B3GALT1: variants seen among roughly 807,000 people sequenced by gnomAD.
B3GALT1 encodes the protein beta-1,3-galactosyltransferase 1.
A neutral mutation model predicts 23.2 loss-of-function variants in B3GALT1; 10 were observed. The observed-to-expected ratio is 0.43, with a 90% CI of 0.27 to 0.73. The LOEUF is 0.73. Ranked by LOEUF, B3GALT1 falls within the 30% of genes least tolerant of loss-of-function variation. B3GALT1 has a pLI of 0.21. For synonymous variants in B3GALT1, 156 were observed against 141.5 expected, an observed-to-expected ratio of 1.10 and a Z score of -0.73; for missense variants, 299 against 405.4, an observed-to-expected ratio of 0.74 and a Z score of 2.25.
At chr2:167,756,151 C>G (rs1007292354) in intron 3 of B3GALT1, among the ~76,000 whole-genome samples, 2 of 152,102 alleles carry the variant, frequency 1.3e-5, no homozygotes, top group African/African-American at 4.8e-5. Context: ...GAATCCTCCC[C>G]TAGTCTGCCC....
Position 167,454,280 on chromosome 2 carries a change from A to G in B3GALT1, c.-510-35897A>G, listed in dbSNP as rs556564867. 1.2e-4 allele frequency among the ~76,000 whole-genome samples: 19 copies of G among 152,318 alleles called. No individual in the cohort carries two copies. The South Asian group carries it at 3.7e-3, about 30-fold the overall frequency. ...ACGTAAACCATAGGCAGAGCCAACT[A>G]TATGCGAATAGGATGTCAGCTTGGT... On this transcript the variant is annotated intron_variant, in intron 1 of 4. Coordinates refer to ENST00000392690, the MANE Select transcript of B3GALT1 (RefSeq NM_020981.4).
chr2:167,573,357 G>A (rs1442050086), intron 2 of B3GALT1, among the ~76,000 whole-genome samples: 1 of 151,706 alleles, frequency 6.6e-6, no homozygotes, highest in East Asian at 1.9e-4. Context: ...GAAGATTATT[G>A]AATTCTGTTT....
In B3GALT1 at chr2:167,545,104, T is replaced by G. The variant is rs532484837; in HGVS notation, c.-410+54827T>G. On this transcript the variant is annotated intron_variant, in intron 2 of 4. Coordinates refer to ENST00000392690, the MANE Select transcript of B3GALT1 (RefSeq NM_020981.4). ...GGCTGGAGTGCAGTGGCACGATCTC[T>G]ACTCACTGCAAGCTCTGCCTCCCGG... 7.7e-4 allele frequency among the ~76,000 whole-genome samples: 102 copies of G among 132,052 alleles called. 1 individual carries two copies. The highest frequency in any genetic ancestry group is 3.3e-3 in the South Asian group (12 of 3,656). The allele number at this position is 132,052 out of a possible 152,430, so 86.6% of individuals were successfully genotyped here.
At chr2:167,379,269 C>T (rs755521645) in intron 1 of B3GALT1, among the ~76,000 whole-genome samples, 12 of 151,964 alleles carry the variant, frequency 7.9e-5, no homozygotes, top group Non-Finnish European at 1.8e-4. Flanking sequence ...GGGAAACGGC[C>T]CCCATGATTC....
chr2:167,697,919 C>T (rs1346034477), intron 3 of B3GALT1, among the ~76,000 whole-genome samples: 2 of 152,184 alleles, frequency 1.3e-5, no homozygotes, highest in Admixed American at 6.5e-5. Context: ...ACATTTGCCT[C>T]AGAAACACTT....
intron 2 of B3GALT1, among the ~76,000 whole-genome samples, chr2:167,612,388 A>ATTG (rs529541806): frequency 1.3e-5 from 2 of 149,836 alleles, no homozygotes; most frequent in Non-Finnish European, 3.0e-5. Context: ...TATTATTATT[A>ATTG]TTATTATTTT....
chr2:167,548,904 G>C (rs1000189709), intron 2 of B3GALT1, among the ~76,000 whole-genome samples: 1 of 151,832 alleles, frequency 6.6e-6, no homozygotes, highest in African/African-American at 2.4e-5. Flanking sequence ...AATCTCTTCT[G>C]TTCAGGAATA....
intron 1 of B3GALT1, among the ~76,000 whole-genome samples, chr2:167,327,343 C>A (rs918924330): frequency 6.6e-6 from 1 of 152,018 alleles, no homozygotes; most frequent in South Asian, 2.1e-4. Flanking sequence ...CTACTTTGGG[C>A]AGTATGGTTA....
At chr2:167,385,931 T>A (rs1402052911) in intron 1 of B3GALT1, among the ~76,000 whole-genome samples, 1 of 152,206 alleles carries the variant, frequency 6.6e-6, no homozygotes, top group African/African-American at 2.4e-5. Context: ...GGAGAACTGT[T>A]TATAAACTTT....
chr2:167,434,716 C>CA (rs201862251), intron 1 of B3GALT1, among the ~76,000 whole-genome samples: 1 of 141,932 alleles, frequency 7.0e-6, no homozygotes, highest in East Asian at 2.2e-4. Context: ...AATGACCCCC[C>CA]CCCCTTATTT....
At chr2:167,844,806 C>T (rs1397101746) in intron 4 of B3GALT1, among the ~76,000 whole-genome samples, 1 of 152,156 alleles carries the variant, frequency 6.6e-6, no homozygotes, top group Non-Finnish European at 1.5e-5. Flanking sequence ...GGAAAAGAAC[C>T]AAGCCTTGTT....
At chr2:167,485,052 G>A (rs1202107979) in intron 1 of B3GALT1, among the ~76,000 whole-genome samples, 3 of 152,054 alleles carry the variant, frequency 2.0e-5, no homozygotes, top group African/African-American at 7.2e-5. Context: ...AGGGAAGAGA[G>A]TATAGTAAGG....
At chr2:167,691,965 C>A (rs1220637622) in intron 3 of B3GALT1, among the ~76,000 whole-genome samples, 1 of 152,060 alleles carries the variant, frequency 6.6e-6, no homozygotes, top group Non-Finnish European at 1.5e-5. Flanking sequence ...ATATGTGAGG[C>A]CTATGTGGGA....
intron 1 of B3GALT1, among the ~76,000 whole-genome samples, chr2:167,477,138 C>A (rs1699499002): frequency 6.6e-6 from 1 of 152,140 alleles, no homozygotes. Flanking sequence ...CACTTATAAG[C>A]ATATGTGCTT....
chr2:167,576,848 G>C (rs1483378302), intron 2 of B3GALT1, among the ~76,000 whole-genome samples: 2 of 151,626 alleles, frequency 1.3e-5, no homozygotes, highest in African/African-American at 4.8e-5. Context: ...CATTCACCCT[G>C]CCTTATCTTC....
intron 4 of B3GALT1, among the ~76,000 whole-genome samples, chr2:167,847,610 G>A (rs1689789076): frequency 6.6e-6 from 1 of 152,068 alleles, no homozygotes; most frequent in Non-Finnish European, 1.5e-5. Context: ...AAAGTTCATA[G>A]CCCTAAACGC....
intron 4 of B3GALT1, among the ~76,000 whole-genome samples, chr2:167,826,753 TAAC>T (rs1177147052): frequency 6.6e-6 from 1 of 152,044 alleles, no homozygotes. Context: ...CAATAAAACA[TAAC>T]AACACAACAA....
intron 2 of B3GALT1, among the ~76,000 whole-genome samples, chr2:167,513,441 T>A (rs1229103189): frequency 6.6e-6 from 1 of 152,164 alleles, no homozygotes; most frequent in African/African-American, 2.4e-5. Flanking sequence ...AACAAATCAA[T>A]GGCAGAAGAC....
chr2:167,662,895 G>C (rs939007552), intron 3 of B3GALT1, among the ~76,000 whole-genome samples: 1 of 151,918 alleles, frequency 6.6e-6, no homozygotes, highest in Non-Finnish European at 1.5e-5. Context: ...ATATGCATAT[G>C]ACTGCCTTGT....
Sources: gnomAD v4.1 joint callset for allele counts (sites outside exome capture counted in the v4.1 genomes callset) on GRCh38, gnomAD v4.1.1 for gene constraint, MANE v1.5 for transcripts, NCBI Gene and HGNC (gene_info 2026-07-23, HGNC 2026-07-21) for gene names.